Variants in MECOM observed in about 807,000 individuals in gnomAD.
MECOM encodes MDS1 and EVI1 complex locus, also known as histone-lysine N-methyltransferase MECOM.
In MECOM, 13 loss-of-function variants were observed where a neutral mutation model predicts 116.3. The observed-to-expected ratio is 0.11, with a 90% confidence interval of 0.07 to 0.18. The LOEUF (loss-of-function observed/expected upper bound fraction) is 0.18, where lower values mean the gene tolerates loss of function less well. Among genes scored for constraint, MECOM ranks in the 10% least tolerant of loss-of-function variants. The pLI, the probability that MECOM is intolerant of heterozygous loss-of-function variation, is 1.00. For missense variants in MECOM, 1,299 were observed against 1,509.0 expected, an observed-to-expected ratio of 0.86 and a Z score of 2.31; for synonymous variants, 528 against 535.2, an observed-to-expected ratio of 0.99 and a Z score of 0.19.
chr3:169,454,390 G>GAA (rs35807490), intron 1 of MECOM, among the ~76,000 whole-genome samples: 29,531 of 111,430 alleles, frequency 0.27, 4,727 homozygotes, highest in East Asian at 0.42. Flanking sequence ...TTTCTTTCAG[G>GAA]AAAAAAAAAA....
At position 169,116,370 on chromosome 3, in the gene MECOM, T is replaced by C. The variant is rs199568118; in HGVS notation, c.1502A>G (p.His501Arg). The C allele has an allele frequency of 1.2e-4, 192 of 1,614,164 alleles. No individual in the cohort carries two copies. Among genetic ancestry groups the C allele is most frequent in the Middle Eastern group, 4.9e-4 (3 of 6,062 alleles). Reference sequence around the variant, plus strand: ...ACTAGCAGGTATCAAAGGAGGCCTGTGGTACAAGCCGGAAGGAAACAGACC... The same window carrying C: ...ACTAGCAGGTATCAAAGGAGGCCTGCGGTACAAGCCGGAAGGAAACAGACC... ...FPGLFPSGLYHRPPLIPASSP... is the reference protein window; with the variant it reads ...FPGLFPSGLYRRPPLIPASSP... The change falls in exon 8 of 17, where the codon CAC (histidine) becomes CGC (arginine). Residue 501 changes from histidine to arginine, a missense_variant. Transcript: ENST00000651503.
chr3:169,360,315 A>G (rs2697115), intron 2 of MECOM, among the ~76,000 whole-genome samples: 2 of 105,960 alleles, frequency 1.9e-5, no homozygotes, highest in Non-Finnish European at 3.8e-5. Flanking sequence ...AAAAAAAGTT[A>G]CACCAAAAAA....
At chr3:169,155,350 A>G (rs1056717624) in intron 2 of MECOM, among the ~76,000 whole-genome samples, 4 of 152,124 alleles carry the variant, frequency 2.6e-5, no homozygotes, top group African/African-American at 9.7e-5. Context: ...CTCTGGGCAC[A>G]AATCCTGGAC....
At chr3:169,263,127 A>ATTT (rs1757800705) in intron 2 of MECOM, among the ~76,000 whole-genome samples, 3 of 19,610 alleles carry the variant, frequency 1.5e-4, no homozygotes, top group African/African-American at 4.7e-4. Flanking sequence ...ATATATATAT[A>ATTT]TGTTTTTTTT....
In MECOM at chr3:169,116,218, C is replaced by A. The variant is rs746379599; in HGVS notation, c.1654G>T (p.Gly552Trp). ...TGGAGCTCCACTGGCTTATTGTCCC[C>A]TACAGATGGGTGTTTAGATAGTGCC... is the stretch of plus-strand genomic sequence containing the variant. ...LKALSKHPSVGDNKPVELQPE... is the reference protein window; with the variant it reads ...LKALSKHPSVWDNKPVELQPE... Residue 552 changes from glycine (G) to tryptophan (W), a missense_variant, in exon 8 of 17, where the codon GGG (glycine) becomes TGG (tryptophan). Around this residue, in one of 6 missense-constraint regions of MECOM, gnomAD observed 238 missense variants for 273.1 expected, o/e 0.87. Transcript: ENST00000651503. 1.9e-6 allele frequency: 3 copies of A among 1,614,026 alleles called. No homozygotes were observed. In the Admixed American group the frequency reaches 5.0e-5, roughly 27 times the overall value.
intron 13 of MECOM, 86 bp from the exon 14 acceptor site, chr3:169,093,188 A>G (rs1720345358): frequency 1.9e-5 from 26 of 1,400,972 alleles, no homozygotes; most frequent in Non-Finnish European, 2.5e-5. Context: ...GAATTTGATC[A>G]GTGCTGTTTC....
chr3:169,594,170 A>AAACC (rs1553894639), intron 1 of MECOM, among the ~76,000 whole-genome samples: 27 of 119,352 alleles, frequency 2.3e-4, no homozygotes, highest in African/African-American at 9.7e-4. Context: ...AAAAAAAAAA[A>AAACC]AAAAAACACC....
At chr3:169,514,070 G>T (rs775354744) in intron 1 of MECOM, among the ~76,000 whole-genome samples, 3 of 152,100 alleles carry the variant, frequency 2.0e-5, no homozygotes, top group Non-Finnish European at 4.4e-5. Context: ...AAACCAAAAA[G>T]AAATCTAATT....
chr3:169,438,122 GC>G (rs1742992014), intron 1 of MECOM, among the ~76,000 whole-genome samples: 1 of 152,192 alleles, frequency 6.6e-6, no homozygotes. Flanking sequence ...TTTTTAAACA[GC>G]CATAATTCAA....
chr3:169,553,276 G>A (rs1761622688), intron 1 of MECOM, among the ~76,000 whole-genome samples: 1 of 152,094 alleles, frequency 6.6e-6, no homozygotes, highest in Non-Finnish European at 1.5e-5. Context: ...GGGGGGTTCT[G>A]TTCATTTTAG....
At chr3:169,208,319 T>C (rs1472837244) in intron 2 of MECOM, among the ~76,000 whole-genome samples, 1 of 148,428 alleles carries the variant, frequency 6.7e-6, no homozygotes, top group East Asian at 1.9e-4. Flanking sequence ...ATATGTATTA[T>C]ATTATATATA....
intron 2 of MECOM, among the ~76,000 whole-genome samples, chr3:169,164,968 C>T (rs1743358980): frequency 6.6e-6 from 1 of 152,124 alleles, no homozygotes; most frequent in Admixed American, 6.6e-5. Flanking sequence ...AGCTACATTC[C>T]TAGTAAAGTT....
At chr3:169,191,732 GAA>G (rs1314752184) in intron 2 of MECOM, among the ~76,000 whole-genome samples, 2 of 33,246 alleles carry the variant, frequency 6.0e-5, no homozygotes, top group Non-Finnish European at 1.7e-4. Flanking sequence ...AAGAAAGAAA[GAA>G]AGAAAGAGAA....
intron 1 of MECOM, among the ~76,000 whole-genome samples, chr3:169,401,880 C>T (rs1735962992): frequency 1.3e-5 from 2 of 152,172 alleles, no homozygotes; most frequent in Non-Finnish European, 1.5e-5. Flanking sequence ...TCCAAACAAT[C>T]AAAGGATTCA....
chr3:169,499,619 A>AG (rs1217346557), intron 1 of MECOM, among the ~76,000 whole-genome samples: 1 of 46,852 alleles, frequency 2.1e-5, no homozygotes, highest in African/African-American at 1.4e-4. Flanking sequence ...GACCAGGGGG[A>AG]AAAAAAAAGA....
intron 2 of MECOM, among the ~76,000 whole-genome samples, chr3:169,374,644 A>G (rs879454767): frequency 2.0e-5 from 3 of 151,980 alleles, no homozygotes; most frequent in Non-Finnish European, 4.4e-5. Context: ...CATAATGGCT[A>G]TCTTTAGAAG....
At chr3:169,557,029 G>C (rs1295786961) in intron 1 of MECOM, among the ~76,000 whole-genome samples, 1 of 108,706 alleles carries the variant, frequency 9.2e-6, no homozygotes, top group Admixed American at 9.5e-5. Context: ...GGTGTAAGGA[G>C]TGCCAAGAAT....
At chr3:169,239,949 TGAA>T (rs1157427140) in intron 2 of MECOM, among the ~76,000 whole-genome samples, 1 of 152,226 alleles carries the variant, frequency 6.6e-6, no homozygotes, top group South Asian at 2.1e-4. Flanking sequence ...ATTCAACTGC[TGAA>T]GTTCATTTCC....
intron 1 of MECOM, among the ~76,000 whole-genome samples, chr3:169,655,449 T>G (rs1047846852): frequency 6.6e-6 from 1 of 152,208 alleles, no homozygotes; most frequent in Non-Finnish European, 1.5e-5. Context: ...GAGGGATTAT[T>G]GCCTAATGAT....
Sources: allele counts gnomAD v4.1 joint callset (sites outside exome capture counted in the v4.1 genomes callset), GRCh38; gene constraint gnomAD v4.1.1; regional missense constraint gnomAD v4.1.1; transcripts MANE v1.5; gene names NCBI Gene and HGNC (gene_info 2026-07-23, HGNC 2026-07-21).